Variants in DCDC2C observed in about 807,000 individuals in gnomAD.
DCDC2C encodes doublecortin domain containing 2C, also known as doublecortin domain-containing protein 2C.
A neutral mutation model predicts 45.0 loss-of-function variants in DCDC2C; 44 were observed. The observed-to-expected ratio is 0.98, with a 90% CI of 0.77 to 1.26. The LOEUF is 1.26. Ranked by LOEUF, DCDC2C falls within the 50% of genes most tolerant of loss-of-function variation. DCDC2C has a pLI of 0.00. For missense variants in DCDC2C, 447 were observed against 468.9 expected, an observed-to-expected ratio of 0.95 and a Z score of 0.43; for synonymous variants, 187 against 178.8, an observed-to-expected ratio of 1.05 and a Z score of -0.37.
intron 10 of DCDC2C, among the ~76,000 whole-genome samples, chr2:3,826,556 G>T (rs1414475403): frequency 2.0e-5 from 3 of 152,036 alleles, no homozygotes; most frequent in African/African-American, 7.2e-5. Flanking sequence ...AGAGAAGGGG[G>T]TACCCTGCCC....
chr2:3,718,674 C>T (rs1423728321), intron 2 of DCDC2C, among the ~76,000 whole-genome samples: 1 of 152,162 alleles, frequency 6.6e-6, no homozygotes, highest in Non-Finnish European at 1.5e-5. Context: ...TGAGCAGACC[C>T]TCACTGAGCA....
Position 3,802,262 on chromosome 2 carries a change from G to A in DCDC2C, c.1065+17162G>A, listed in dbSNP as rs189717445. Among the ~76,000 whole-genome samples the A allele has an allele frequency of 3.6e-3, 543 of 152,302 alleles. 6 individuals carry two copies. Among genetic ancestry groups the A allele is most frequent in the African/African-American group, 0.012 (510 of 41,558 alleles). On this transcript the variant is annotated intron_variant, in intron 10 of 10. Transcript: ENST00000399143. ...TAAAAGCTGTCCTTCAACGCCTTCTGGCAATTTTTCTGAACTCTGGGGTGA... is the reference window on the plus strand; with the variant it reads ...TAAAAGCTGTCCTTCAACGCCTTCTAGCAATTTTTCTGAACTCTGGGGTGA...
rs1234637229 is a variant in DCDC2C, at chr2:3,761,366, TAAG to T, written c.727-6387_727-6385del. 1.3e-5 allele frequency among the ~76,000 whole-genome samples: 2 copies of T among 152,074 alleles called. No homozygotes were observed. Among genetic ancestry groups the T allele is most frequent in the African/African-American group, 4.8e-5 (2 of 41,414 alleles). ...TGAAAAGGAGATAAAGCATATAAAT[TAAG>T]GAGGTGCGTGTGTGTGTGCGTGTGT... On this transcript the variant is annotated intron_variant, in intron 6 of 10. Transcript: ENST00000399143. This position sits in a 1 kb window ranked among gnomAD's most constrained non-coding sequence, Gnocchi z 4.3.
chr2:3,742,030 C>A lies in DCDC2C; in HGVS notation c.527C>A (p.Pro176His). 1.3e-6 allele frequency: 2 copies of A among 1,544,608 alleles called. No homozygotes were observed. Among genetic ancestry groups the A allele is most frequent in the South Asian group, 2.4e-5 (2 of 82,050 alleles). The change falls in exon 4 of 11, where the codon CCT becomes CAT. Residue 176 changes from proline (P) to histidine (H), a missense_variant. Pro to His is a moderately conservative substitution (Grantham distance 77, BLOSUM62 -2). Coordinates refer to ENST00000399143, the MANE Select transcript of DCDC2C (RefSeq NM_001287444.2). ...VLATIGEKVF[P>H]LGGVRKLFTM... ...GCCACGATCGGAGAAAAAGTCTTCC[C>A]TCTAGGAGGCGTTCGGAAGTAAGGA...
intron 3 of DCDC2C, among the ~76,000 whole-genome samples, chr2:3,732,467 A>G (rs1668901129): frequency 6.6e-6 from 1 of 152,156 alleles, no homozygotes; most frequent in Non-Finnish European, 1.5e-5. Flanking sequence ...ACATGGACAA[A>G]GGTTGAACAC....
intron 10 of DCDC2C, among the ~76,000 whole-genome samples, chr2:3,792,539 A>G: frequency 6.6e-6 from 1 of 152,216 alleles, no homozygotes; most frequent in South Asian, 2.1e-4. Flanking sequence ...TTATAATTAT[A>G]TATATAGTCA....
chr2:3,769,038 A>G (rs1303884936), intron 7 of DCDC2C: 1 of 357,942 alleles, frequency 2.8e-6, no homozygotes, highest in African/African-American at 2.0e-5. Context: ...CAGCAATTGC[A>G]TGACTTTCAG....
intron 6 of DCDC2C, among the ~76,000 whole-genome samples, chr2:3,755,431 G>A (rs1478705814): frequency 4.0e-5 from 6 of 151,730 alleles, no homozygotes; most frequent in African/African-American, 1.5e-4. Context: ...GTGTATGGAG[G>A]CATGCATGTG....
chr2:3,773,889 T>C (rs572689314), intron 8 of DCDC2C, among the ~76,000 whole-genome samples: 2 of 152,302 alleles, frequency 1.3e-5, no homozygotes, highest in South Asian at 2.1e-4. Context: ...TCACAAAGGA[T>C]TGGGTCCATT....
intron 10 of DCDC2C, among the ~76,000 whole-genome samples, chr2:3,837,607 G>T (rs1672112458): frequency 4.2e-5 from 6 of 141,902 alleles, no homozygotes; most frequent in Non-Finnish European, 6.2e-5. Flanking sequence ...TCATCTAAAG[G>T]GGAAGAAACT....
chr2:3,839,059 G>A (rs904043294), intron 10 of DCDC2C, among the ~76,000 whole-genome samples: 2 of 152,072 alleles, frequency 1.3e-5, no homozygotes, highest in African/African-American at 4.8e-5. Context: ...AGATTATTAG[G>A]TTAACCTGTT....
intron 9 of DCDC2C, among the ~76,000 whole-genome samples, chr2:3,782,668 C>G (rs962712886): frequency 1.3e-5 from 2 of 151,984 alleles, no homozygotes; most frequent in Non-Finnish European, 2.9e-5. Flanking sequence ...TTAGTAGAGA[C>G]GGGGTTTCAC....
intron 10 of DCDC2C, among the ~76,000 whole-genome samples, chr2:3,836,811 G>C (rs74171419): frequency 6.7e-6 from 1 of 149,280 alleles, no homozygotes; most frequent in Non-Finnish European, 1.5e-5. Context: ...GCAGTGAGCC[G>C]AGATCGCGCC....
Position 3,847,333 on chromosome 2 carries a change from G to T in DCDC2C, c.*150G>T. 5 of 442,516 alleles carry T rather than the reference G, an allele frequency of 1.1e-5. No homozygotes were observed. Among genetic ancestry groups the T allele is most frequent in the Non-Finnish European group, 1.9e-5 (5 of 268,570 alleles). 27.4% of individuals were successfully genotyped at this position (442,516 alleles called of 1,614,324 possible). The stretch of plus-strand genomic sequence containing the variant: ...TGTCTTCTCGAAAGCCAAAGACGAG[G>T]TTTCATAATTGAGCTCCATTTCTTC... On this transcript the variant is annotated 3_prime_UTR_variant, in exon 11 of 11. Transcript: ENST00000399143.
intron 10 of DCDC2C, among the ~76,000 whole-genome samples, chr2:3,814,066 A>G (rs181958668): frequency 1.1e-3 from 174 of 151,942 alleles, no homozygotes; most frequent in African/African-American, 4.0e-3. Flanking sequence ...TTTCCTTTCC[A>G]TATTTAGTGA....
At chr2:3,828,143 T>C (rs1558245315) in intron 10 of DCDC2C, among the ~76,000 whole-genome samples, 1 of 152,172 alleles carries the variant, frequency 6.6e-6, no homozygotes, top group Non-Finnish European at 1.5e-5. Context: ...TAAAAATATG[T>C]GTGGATTATA....
At chr2:3,711,376 G>T (rs1668203889) in intron 2 of DCDC2C, among the ~76,000 whole-genome samples, 2 of 151,888 alleles carry the variant, frequency 1.3e-5, no homozygotes, top group South Asian at 2.1e-4. Flanking sequence ...CAATAGAAAA[G>T]ACATGGAACC....
intron 3 of DCDC2C, among the ~76,000 whole-genome samples, chr2:3,730,300 G>T (rs1012384000): frequency 7.2e-5 from 11 of 151,984 alleles, no homozygotes; most frequent in African/African-American, 2.4e-4. Flanking sequence ...AAAAAATAAA[G>T]AAACCGAGTC....
intron 3 of DCDC2C, among the ~76,000 whole-genome samples, chr2:3,739,195 A>C (rs193042319): frequency 6.6e-6 from 1 of 152,238 alleles, no homozygotes; most frequent in Non-Finnish European, 1.5e-5. Flanking sequence ...AGAATAAAAT[A>C]AAATTCTCCA....
Sources: gnomAD v4.1 joint callset for allele counts (sites outside exome capture counted in the v4.1 genomes callset) on GRCh38, gnomAD v4.1.1 for gene constraint, Gnocchi (gnomAD v3.1) non-coding constraint, MANE v1.5 for transcripts, NCBI Gene and HGNC (gene_info 2026-07-23, HGNC 2026-07-21) for gene names.